OSTM1: variants seen among roughly 807,000 people sequenced by gnomAD.
OSTM1 encodes the protein osteoclastogenesis associated transmembrane protein 1, also known as osteopetrosis-associated transmembrane protein 1.
OSTM1 carries 26 observed loss-of-function variants against 35.4 expected under a neutral mutation model. The ratio of observed to expected loss-of-function variants is 0.73; its 90% CI spans 0.54 to 1.02. The LOEUF (loss-of-function observed/expected upper bound fraction) is 1.02, where lower values mean the gene tolerates loss of function less well. Among genes scored for constraint, OSTM1 ranks in the 50% least tolerant of loss-of-function variants. OSTM1 has a pLI of 0.00. For missense variants in OSTM1, 366 were observed against 409.6 expected, an observed-to-expected ratio of 0.89 and a Z score of 0.92; for synonymous variants, 181 against 165.0, an observed-to-expected ratio of 1.10 and a Z score of -0.75.
intron 2 of OSTM1, among the ~76,000 whole-genome samples, chr6:108,057,043 AC>A (rs1238299406): frequency 6.6e-6 from 1 of 152,192 alleles, no homozygotes; most frequent in East Asian, 1.9e-4. Flanking sequence ...AGCCTGGGCA[AC>A]ATGGTGAAAA....
At position 108,074,597 on chromosome 6, in the gene OSTM1, G is replaced by C; in HGVS notation, c.55C>G (p.Pro19Ala). 1 of 1,564,948 alleles carries C rather than the reference G, an allele frequency of 6.4e-7. No homozygotes were observed. The change falls in exon 1 of 6, where the codon CCG becomes GCG. Residue 19 changes from proline to alanine, a missense_variant. By Grantham distance (27) the Pro-to-Ala change is conservative. Coordinates refer to ENST00000193322, the MANE Select transcript of OSTM1 (RefSeq NM_014028.4). ...QRRCSLPPWL[P>A]LGLLLWSGLA... is the part of the protein sequence containing the mutation. ...CCCGACCACAGCAGCAGCCCCAGCGGCAGCCACGGCGGCAACGAACACCTC... is the reference window on the plus strand; with the variant it reads ...CCCGACCACAGCAGCAGCCCCAGCGCCAGCCACGGCGGCAACGAACACCTC...
chr6:108,059,358 T>C (rs80063036), intron 2 of OSTM1, among the ~76,000 whole-genome samples: 3,849 of 152,310 alleles, frequency 0.025, 132 homozygotes, highest in African/African-American at 0.08. Flanking sequence ...TTAACACTTC[T>C]TTTGACCTTC....
intron 4 of OSTM1, among the ~76,000 whole-genome samples, chr6:108,050,022 T>C (rs988255611): frequency 6.6e-6 from 1 of 152,182 alleles, no homozygotes; most frequent in Non-Finnish European, 1.5e-5. Flanking sequence ...TCCAGCATCA[T>C]AGTGCCTAAA....
intron 1 of OSTM1, among the ~76,000 whole-genome samples, chr6:108,067,828 TAA>T (rs60932026): frequency 5.0e-4 from 39 of 77,768 alleles, no homozygotes; most frequent in African/African-American, 1.1e-3. Flanking sequence ...AGCCTCTGTC[TAA>T]AAAAAAAAAA....
At chr6:108,049,136 G>T in intron 5 of OSTM1, 117 bp downstream of exon 5, 1 of 694,822 alleles carries the variant, frequency 1.4e-6, no homozygotes, top group East Asian at 2.7e-5. Context: ...TTAAAGCAGA[G>T]AGTCCTTTTA....
chr6:108,071,107 G>C (rs1772475148), intron 1 of OSTM1, among the ~76,000 whole-genome samples: 1 of 151,650 alleles, frequency 6.6e-6, no homozygotes, highest in African/African-American at 2.4e-5. Context: ...AGAATGGCAT[G>C]AACCTGGGAG....
At chr6:108,052,781 T>G (rs1470649587) in intron 3 of OSTM1, among the ~76,000 whole-genome samples, 1 of 152,226 alleles carries the variant, frequency 6.6e-6, no homozygotes, top group East Asian at 1.9e-4. Context: ...AAAGACTTTC[T>G]AAAAACCCCA....
Position 108,054,628 on chromosome 6 carries a change from G to T in OSTM1, c.518-41C>A. ...AAAAAGTATATTAATATAACTCAAG[G>T]AACAATTCTATGTTGTCATTTATAT... On this transcript the variant is annotated intron_variant, in intron 2 of 5. Coordinates refer to ENST00000193322, the MANE Select transcript of OSTM1 (RefSeq NM_014028.4). 3.3e-6 allele frequency: 3 copies of T among 916,554 alleles called. No individual in the cohort carries two copies. In the South Asian group the frequency reaches 4.0e-5, roughly 12 times the overall value. 56.8% of individuals were successfully genotyped at this position (916,554 alleles called of 1,614,324 possible).
In OSTM1 at chr6:108,041,427, C is replaced by A. The variant is rs753518337; in HGVS notation, c.*3358G>T. The A allele has an allele frequency of 6.6e-6, 1 of 152,120 alleles. No homozygotes were observed. The highest frequency in any genetic ancestry group is 2.4e-5 in the African/African-American group (1 of 41,408). 9.4% of individuals were successfully genotyped at this position (152,120 alleles called of 1,614,324 possible). On this transcript the variant is annotated 3_prime_UTR_variant, in exon 6 of 6. Coordinates refer to ENST00000193322, the MANE Select transcript of OSTM1 (RefSeq NM_014028.4). ...AGTCAAATTATCTTTTAAAAGCCCT[C>A]TTTAATTCCAAGGAGATAAAGAAAG...
At chr6:108,051,620 T>C (rs555590813) in intron 3 of OSTM1, among the ~76,000 whole-genome samples, 1 of 152,266 alleles carries the variant, frequency 6.6e-6, no homozygotes, top group East Asian at 1.9e-4. Flanking sequence ...ATAAATAAAA[T>C]AGGTTCCTGC....
chr6:108,053,565 C>T (rs1582389930), intron 3 of OSTM1, among the ~76,000 whole-genome samples: 1 of 152,302 alleles, frequency 6.6e-6, no homozygotes, highest in East Asian at 1.9e-4. Context: ...GGCTGGAGTG[C>T]AATGGCACGA....
At chr6:108,057,449 C>T (rs974867950) in intron 2 of OSTM1, among the ~76,000 whole-genome samples, 18 of 152,100 alleles carry the variant, frequency 1.2e-4, no homozygotes, top group African/African-American at 3.9e-4. Context: ...TGAGCTATGT[C>T]GTGACAACTG....
intron 3 of OSTM1, 72 bp from the exon 4 acceptor site, chr6:108,051,270 T>C: frequency 4.3e-6 from 5 of 1,163,072 alleles, no homozygotes; most frequent in South Asian, 1.3e-5. Flanking sequence ...GTAAGCTATT[T>C]ACGCTTCTAG....
chr6:108,068,663 A>AGTGAG (rs1772423946), intron 1 of OSTM1, among the ~76,000 whole-genome samples: 1 of 151,690 alleles, frequency 6.6e-6, no homozygotes, highest in South Asian at 2.1e-4. Context: ...CTCTCACACC[A>AGTGAG]CTGCAACAGT....
Position 108,074,423 on chromosome 6 carries a change from G to A in OSTM1, c.229C>T (p.Leu77=). ...CGGCACTCAGGATCCAGATCCGGCA[G>A]GTCCGGGGGCAGCGACAGAGGCCCC... ...GLGPLSLPPD[L]PDLDPECREL... The change falls in exon 1 of 6, where the codon CTG becomes TTG. Residue 77 remains leucine, a synonymous_variant. Transcript: ENST00000193322. 2 of 1,563,890 alleles carry A rather than the reference G, an allele frequency of 1.3e-6. No individual in the cohort carries two copies. The highest frequency in any genetic ancestry group is 1.7e-6 in the Non-Finnish European group (2 of 1,154,260).
In OSTM1 at chr6:108,044,209, G is replaced by A. The variant is rs544863612; in HGVS notation, c.*576C>T. The stretch of plus-strand genomic sequence containing the variant: ...TTTTTACAAAGATAAATGTAATGTG[G>A]CTTACTACTTTTAAAAATTGTCAGG... On this transcript the variant is annotated 3_prime_UTR_variant, in exon 6 of 6. Coordinates refer to ENST00000193322, the MANE Select transcript of OSTM1 (RefSeq NM_014028.4). 2.6e-5 allele frequency: 4 copies of A among 152,590 alleles called. No individual in the cohort carries two copies. Among genetic ancestry groups the A allele is most frequent in the Middle Eastern group, 3.4e-3 (1 of 294 alleles). The allele number at this position is 152,590 out of a possible 1,614,324, so 9.5% of individuals were successfully genotyped here. A position where few individuals can be genotyped will look rare whatever the true frequency, so the allele number is the denominator to read the frequency against.
intron 1 of OSTM1, among the ~76,000 whole-genome samples, chr6:108,070,784 G>C (rs1429772588): frequency 6.6e-6 from 1 of 151,844 alleles, no homozygotes; most frequent in Admixed American, 6.6e-5. Flanking sequence ...CAGCTACTTG[G>C]GAGGCTGAGG....
chr6:108,068,584 C>T (rs1772422021), intron 1 of OSTM1, among the ~76,000 whole-genome samples: 1 of 152,078 alleles, frequency 6.6e-6, no homozygotes, highest in Non-Finnish European at 1.5e-5. Flanking sequence ...TTTCTGCCTC[C>T]TAAGTATCTC....
chr6:108,074,217 G>A (rs1366534260), intron 1 of OSTM1, 33 bp downstream of exon 1: 2 of 1,607,426 alleles, frequency 1.2e-6, no homozygotes, highest in Non-Finnish European at 1.7e-6. Context: ...CAACTCTCCT[G>A]AGCCACAGTC....
Sources: gnomAD v4.1 joint callset for allele counts (sites outside exome capture counted in the v4.1 genomes callset) on GRCh38, gnomAD v4.1.1 for gene constraint, MANE v1.5 for transcripts, NCBI Gene and HGNC (gene_info 2026-07-23, HGNC 2026-07-21) for gene names.